The following SH3BP5 variants were observed in gnomAD, a reference collection of about 807,000 sequenced individuals.
SH3BP5 encodes the protein SH3 domain binding protein 5.
Under a neutral mutation model 43.3 loss-of-function variants are expected in SH3BP5, and 22 were observed. The observed-to-expected ratio is 0.51, with a 90% CI of 0.36 to 0.73. The LOEUF (loss-of-function observed/expected upper bound fraction) is 0.73, where lower values mean the gene tolerates loss of function less well. Ranked by LOEUF, SH3BP5 falls within the 30% of genes least tolerant of loss-of-function variation. SH3BP5 has a pLI of 0.00. For synonymous variants in SH3BP5, 255 were observed against 225.8 expected, an observed-to-expected ratio of 1.13 and a Z score of -1.16; for missense variants, 529 against 586.9, an observed-to-expected ratio of 0.90 and a Z score of 1.02.
At chr3:15,264,023 G>C (rs1318054647) in intron 4 of SH3BP5, among the ~76,000 whole-genome samples, 1 of 152,152 alleles carries the variant, frequency 6.6e-6, no homozygotes, top group Non-Finnish European at 1.5e-5. Context: ...AGTTAAAAAA[G>C]AAGGCCACAG....
chr3:15,306,931 C>T (rs1200677009), intron 2 of SH3BP5, among the ~76,000 whole-genome samples: 2 of 152,088 alleles, frequency 1.3e-5, no homozygotes, highest in African/African-American at 4.8e-5. Flanking sequence ...CCTAGGCCTC[C>T]CAAAGCGCTG....
At chr3:15,270,579 T>C (rs906455544) in intron 3 of SH3BP5, among the ~76,000 whole-genome samples, 1 of 152,184 alleles carries the variant, frequency 6.6e-6, no homozygotes, top group Non-Finnish European at 1.5e-5. Flanking sequence ...ATACCAACTG[T>C]AGCTGACCAC....
At chr3:15,262,068 GGT>G (rs1377809595) in intron 5 of SH3BP5, 89 bp downstream of exon 5, 31 of 1,456,432 alleles carry the variant, frequency 2.1e-5, no homozygotes, top group Non-Finnish European at 2.9e-5. Flanking sequence ...GACTACTCAG[GGT>G]GGTCCTTGAG....
In SH3BP5 at chr3:15,302,168, G is replaced by C. The variant is rs189795628; in HGVS notation, c.330+1935C>G. Among the ~76,000 whole-genome samples the C allele has an allele frequency of 3.3e-5, 5 of 152,284 alleles. No individual in the cohort carries two copies. The East Asian group carries it at 9.7e-4, about 29-fold the overall frequency. On this transcript the variant is annotated intron_variant, in intron 3 of 8. Transcript: ENST00000383791. Reference sequence around the variant, plus strand: ...AAGAATGATACAACCTTGGCCTACAGTGGGTAGGACACATCCTCAACTTGG... The same window carrying C: ...AAGAATGATACAACCTTGGCCTACACTGGGTAGGACACATCCTCAACTTGG...
At chr3:15,302,357 C>G (rs1697777399) in intron 3 of SH3BP5, among the ~76,000 whole-genome samples, 1 of 152,180 alleles carries the variant, frequency 6.6e-6, no homozygotes, top group Non-Finnish European at 1.5e-5. Flanking sequence ...AAGGGAGTGG[C>G]TGCTGCTCAG....
rs1004305513 is a variant in SH3BP5 at position 15,332,418 on chromosome 3, C to G, written c.-10G>C. ...TCAGTGCCGCGTCCATGCAGGCAGC[C>G]GGCACGCGCGCCGCGCAGTGGGCTC... On this transcript the variant is annotated 5_prime_UTR_variant, in exon 1 of 9. Coordinates refer to ENST00000383791, the MANE Select transcript of SH3BP5 (RefSeq NM_004844.5). 19 of 1,530,546 alleles carry G rather than the reference C, an allele frequency of 1.2e-5. No individual in the cohort carries two copies. The highest frequency in any genetic ancestry group is 1.7e-5 in the Non-Finnish European group (19 of 1,144,148). 94.8% of individuals were successfully genotyped at this position (1,530,546 alleles called of 1,614,324 possible).
At chr3:15,258,804 A>T (rs1392782608) in intron 7 of SH3BP5, 27 bp downstream of exon 7, 1 of 1,579,208 alleles carries the variant, frequency 6.3e-7, no homozygotes, top group South Asian at 1.1e-5. Context: ...ATATCTCCCC[A>T]CATACCCAGT....
intron 4 of SH3BP5, among the ~76,000 whole-genome samples, chr3:15,269,248 G>GT (rs1235337870): frequency 6.6e-6 from 1 of 152,116 alleles, no homozygotes; most frequent in African/African-American, 2.4e-5. Flanking sequence ...CCTGTCGTAA[G>GT]TACACACCTG....
At chr3:15,322,691 C>T (rs575004062) in intron 2 of SH3BP5, among the ~76,000 whole-genome samples, 1 of 152,232 alleles carries the variant, frequency 6.6e-6, no homozygotes, top group African/African-American at 2.4e-5. Flanking sequence ...AAAAATTAGC[C>T]AGGCGTGGTG....
chr3:15,304,827 A>AAAAAAG (rs1697854512), intron 2 of SH3BP5, among the ~76,000 whole-genome samples: 1 of 151,414 alleles, frequency 6.6e-6, no homozygotes, highest in South Asian at 2.1e-4. Context: ...AAAAAAAAAA[A>AAAAAAG]AAAAAAGCTT....
chr3:15,260,889 G>T (rs1022425333), intron 5 of SH3BP5, among the ~76,000 whole-genome samples: 1 of 152,188 alleles, frequency 6.6e-6, no homozygotes, highest in African/African-American at 2.4e-5. Flanking sequence ...GAAAAGGTTG[G>T]CAAAGTACAA....
Position 15,315,174 on chromosome 3 carries a change from G to T in SH3BP5, c.202-10943C>A, listed in dbSNP as rs561235747. Among the ~76,000 whole-genome samples, 3 of 123,616 alleles carry T rather than the reference G, an allele frequency of 2.4e-5. No individual in the cohort carries two copies. In the East Asian group the frequency reaches 7.4e-4, roughly 30 times the overall value. The allele number at this position is 123,616 out of a possible 152,430, so 81.1% of individuals were successfully genotyped here. ...GAGAGGCACTATTAATAACTGTGCT[G>T]GGACCACAAGCATCCACCAAGACTG... On this transcript the variant is annotated intron_variant, in intron 2 of 8. Transcript: ENST00000383791.
upstream of SH3BP5, chr3:15,333,281 G>A: frequency 2.0e-6 from 2 of 985,426 alleles, no homozygotes; most frequent in Non-Finnish European, 2.4e-6. Flanking sequence ...AGAGGCACGT[G>A]TGTGTGCTTT....
At chr3:15,339,411 T>A (rs1185449851) in intron 1 of SH3BP5, among the ~76,000 whole-genome samples, 2 of 152,124 alleles carry the variant, frequency 1.3e-5, no homozygotes. Flanking sequence ...ATGGAAAAAG[T>A]GTTCTACTAA....
chr3:15,266,747 T>C (rs951259464), intron 4 of SH3BP5, among the ~76,000 whole-genome samples: 4 of 152,216 alleles, frequency 2.6e-5, no homozygotes, highest in African/African-American at 9.6e-5. Flanking sequence ...AACTGATCCT[T>C]TGTCCCTGTC....
chr3:15,340,903 T>C (rs1698757881), intron 1 of SH3BP5, among the ~76,000 whole-genome samples: 1 of 151,490 alleles, frequency 6.6e-6, no homozygotes, highest in Non-Finnish European at 1.5e-5. Flanking sequence ...AAATACAAAA[T>C]CAGCTGGGCA....
intron 3 of SH3BP5, among the ~76,000 whole-genome samples, chr3:15,283,730 A>T (rs1321333997): frequency 6.6e-6 from 1 of 152,150 alleles, no homozygotes; most frequent in Non-Finnish European, 1.5e-5. Context: ...CAAAGCACTA[A>T]ATCAGGATAG....
chr3:15,270,932 A>G (rs1482098164), intron 3 of SH3BP5, among the ~76,000 whole-genome samples: 1 of 151,640 alleles, frequency 6.6e-6, no homozygotes, highest in African/African-American at 2.4e-5. Flanking sequence ...TCTCAAAAAA[A>G]AAAAAAAAAA....
chr3:15,333,309 A>G (rs1293614779), upstream of SH3BP5: 1 of 979,624 alleles, frequency 1.0e-6, no homozygotes, highest in African/African-American at 1.8e-5. Context: ...TGTCAGGGCC[A>G]CTGTGATGTC....
Sources: allele counts gnomAD v4.1 joint callset (sites outside exome capture counted in the v4.1 genomes callset), GRCh38; gene constraint gnomAD v4.1.1; transcripts MANE v1.5; gene names NCBI Gene and HGNC (gene_info 2026-07-23, HGNC 2026-07-21).